Variants in MRPS27 observed in about 807,000 individuals in gnomAD.
MRPS27 encodes the protein small ribosomal subunit protein mS27.
MRPS27 carries 43 observed loss-of-function variants against 48.9 expected under a neutral mutation model. The ratio of observed to expected loss-of-function variants is 0.88; its 90% CI spans 0.69 to 1.13. The LOEUF is 1.13. MRPS27 is among the 50% of genes most tolerant of loss of function. The pLI is 0.00. For synonymous variants in MRPS27, 188 were observed against 171.9 expected, an observed-to-expected ratio of 1.09 and a Z score of -0.73; for missense variants, 467 against 476.3, an observed-to-expected ratio of 0.98 and a Z score of 0.18.
chr5:72,301,259 T>C (rs1398906124), intron 2 of MRPS27, among the ~76,000 whole-genome samples: 9 of 152,222 alleles, frequency 5.9e-5, no homozygotes, highest in Non-Finnish European at 7.3e-5. Context: ...CTTATGACTA[T>C]CTTAAAGGGA....
chr5:72,268,873 G>C (rs1324337316), intron 4 of MRPS27, among the ~76,000 whole-genome samples: 1 of 152,130 alleles, frequency 6.6e-6, no homozygotes, highest in Non-Finnish European at 1.5e-5. Context: ...ACTTTAGAGA[G>C]GTTTATTTAT....
intron 4 of MRPS27, among the ~76,000 whole-genome samples, chr5:72,264,860 T>C (rs1324209014): frequency 1.3e-5 from 2 of 152,146 alleles, no homozygotes; most frequent in African/African-American, 4.8e-5. Context: ...CCACCCAGTT[T>C]ATGGTACTTT....
rs1750313944 is a variant in MRPS27 at position 72,307,781 on chromosome 5, C to T, written c.151+6300G>A. 2.0e-5 allele frequency: 3 copies of T among 152,152 alleles called. 1 individual carries two copies. In the South Asian group the frequency reaches 6.2e-4, roughly 32 times the overall value. The allele number at this position is 152,152 out of a possible 1,614,324, so 9.4% of individuals were successfully genotyped here. ...TGGAGCGGTAGGAATGCTCTTGCTT[C>T]CTACACAGGTTTACTCGCTTTGTGG... On this transcript the variant is annotated intron_variant, in intron 2 of 10. Coordinates refer to ENST00000261413, the MANE Select transcript of MRPS27 (RefSeq NM_015084.3).
intron 2 of MRPS27, among the ~76,000 whole-genome samples, chr5:72,300,039 C>G (rs1040207436): frequency 2.6e-5 from 4 of 152,198 alleles, no homozygotes; most frequent in African/African-American, 9.6e-5. Flanking sequence ...CTCTGCTCCT[C>G]TTAACAGCAA....
chr5:72,251,690 C>T (rs556204205), intron 4 of MRPS27, among the ~76,000 whole-genome samples: 10 of 152,334 alleles, frequency 6.6e-5, no homozygotes, highest in Non-Finnish European at 8.8e-5. Context: ...AACCGAACTA[C>T]TGAAAAGAGA....
chr5:72,303,110 T>C (rs1182768802), intron 2 of MRPS27, among the ~76,000 whole-genome samples: 2 of 152,150 alleles, frequency 1.3e-5, no homozygotes, highest in Admixed American at 6.5e-5. Context: ...GCCTGGGAAT[T>C]TGGGGTATAG....
At chr5:72,258,444 A>T (rs1262456632) in intron 4 of MRPS27, among the ~76,000 whole-genome samples, 3 of 152,190 alleles carry the variant, frequency 2.0e-5, no homozygotes, top group African/African-American at 4.8e-5. Flanking sequence ...AAATATAGGC[A>T]CTATGGTTTG....
intron 2 of MRPS27, among the ~76,000 whole-genome samples, chr5:72,310,038 G>A (rs115492897): frequency 2.5e-3 from 381 of 152,342 alleles, no homozygotes; most frequent in Non-Finnish European, 4.5e-3. Context: ...CAGTATGGAA[G>A]ACGGGAGATA....
At chr5:72,225,250 A>G (rs930675148) in intron 9 of MRPS27, among the ~76,000 whole-genome samples, 1 of 152,170 alleles carries the variant, frequency 6.6e-6, no homozygotes, top group Non-Finnish European at 1.5e-5. Context: ...CAGACACCAG[A>G]CCTGACCACC....
intron 2 of MRPS27, among the ~76,000 whole-genome samples, chr5:72,298,129 C>G: frequency 6.6e-6 from 1 of 152,180 alleles, no homozygotes; most frequent in East Asian, 1.9e-4. Context: ...ACAAACTACG[C>G]ATCCGACAAA....
intron 1 of MRPS27, 60 bp downstream of exon 1, chr5:72,320,089 A>G (rs1398879473): frequency 2.6e-6 from 4 of 1,557,276 alleles, no homozygotes; most frequent in Non-Finnish European, 3.5e-6. Context: ...TTGAAAGCCC[A>G]CCGCTCCCTT....
chr5:72,235,078 G>A (rs1748165555), intron 5 of MRPS27, among the ~76,000 whole-genome samples: 1 of 152,010 alleles, frequency 6.6e-6, no homozygotes, highest in Non-Finnish European at 1.5e-5. Flanking sequence ...AATCACCACT[G>A]AGCTGACTCA....
intron 4 of MRPS27, among the ~76,000 whole-genome samples, chr5:72,284,715 G>T (rs1215183228): frequency 3.3e-5 from 5 of 151,988 alleles, no homozygotes; most frequent in Non-Finnish European, 7.4e-5. Context: ...AAGCATCAAA[G>T]CACATGTATA....
At chr5:72,313,015 T>C (rs73124048) in intron 2 of MRPS27, among the ~76,000 whole-genome samples, 2,567 of 152,328 alleles carry the variant, frequency 0.017, 86 homozygotes, top group African/African-American at 0.057. Flanking sequence ...GTACTTGTTA[T>C]AAGAAGGCTA....
chr5:72,226,191 C>G lies in MRPS27; in HGVS notation c.703G>C (p.Glu235Gln), dbSNP rs1747890947. 1.2e-6 allele frequency: 2 copies of G among 1,613,660 alleles called. No individual in the cohort carries two copies. The highest frequency in any genetic ancestry group is 4.5e-5 in the East Asian group (2 of 44,852). Residue 235 changes from glutamate (E) to glutamine (Q), a missense_variant, in exon 9 of 11, where the codon GAG becomes CAG. Transcript: ENST00000261413. Reference protein sequence around the residue: ...LYGYALLGKVELQQGLRAVYH... With the variant: ...LYGYALLGKVQLQQGLRAVYH... ...ACAGCCCGTAGCCCTTGCTGCAACT[C>G]CACCTTCCCTGTGGCCAAAAAGAAC...
rs151180160 is a variant in MRPS27, at chr5:72,228,392, T to C, written c.592-24A>G. ...CACTGCAACAGAATATACTGGATCA[T>C]GATCCATCTAAGCAATGAGTACTTT... On this transcript the variant is annotated intron_variant, in intron 7 of 10. Coordinates refer to ENST00000261413, the MANE Select transcript of MRPS27 (RefSeq NM_015084.3). 7.5e-4 allele frequency: 1,156 copies of C among 1,537,856 alleles called. 1 individual carries two copies. The highest frequency in any genetic ancestry group is 9.8e-4 in the Non-Finnish European group (1,089 of 1,116,828).
intron 4 of MRPS27, among the ~76,000 whole-genome samples, chr5:72,289,846 T>G (rs1156277537): frequency 6.6e-6 from 1 of 152,214 alleles, no homozygotes; most frequent in Non-Finnish European, 1.5e-5. Flanking sequence ...ACCCGGATAG[T>G]AGAAGGAGCA....
At chr5:72,223,433 G>A (rs1747805770) in intron 10 of MRPS27, among the ~76,000 whole-genome samples, 2 of 152,250 alleles carry the variant, frequency 1.3e-5, no homozygotes, top group Admixed American at 1.3e-4. Flanking sequence ...TCAGGAATAA[G>A]TGGGTAATGA....
In MRPS27 at chr5:72,234,051, T is replaced by C; in HGVS notation, c.475+68A>G. 2.9e-6 allele frequency: 4 copies of C among 1,367,248 alleles called. No individual in the cohort carries two copies. In the East Asian group the frequency reaches 9.0e-5, roughly 31 times the overall value. The allele number at this position is 1,367,248 out of a possible 1,614,324, so 84.7% of individuals were successfully genotyped here. ...TAAGAAATAAAAAAGGGGAAGTTCC[T>C]ACATTTGTACACCTCCCTTTGGGAG... is the stretch of plus-strand genomic sequence containing the variant. On this transcript the variant is annotated intron_variant, in intron 6 of 10. Coordinates refer to ENST00000261413, the MANE Select transcript of MRPS27 (RefSeq NM_015084.3).
Sources: allele counts gnomAD v4.1 joint callset (sites outside exome capture counted in the v4.1 genomes callset), GRCh38; gene constraint gnomAD v4.1.1; transcripts MANE v1.5; gene names NCBI Gene and HGNC (gene_info 2026-07-23, HGNC 2026-07-21).